Variants in MCC observed in about 807,000 individuals in gnomAD.
MCC encodes colorectal mutant cancer protein.
In MCC, 90 loss-of-function variants were observed where a neutral mutation model predicts 116.2. That is an observed-to-expected ratio of 0.77 (90% confidence interval 0.65 to 0.92). MCC has a LOEUF of 0.92. Ranked by LOEUF, MCC falls within the 40% of genes least tolerant of loss-of-function variation. The pLI is 0.00. For missense variants in MCC, 1,516 were observed against 1,312.2 expected, an observed-to-expected ratio of 1.16 and a Z score of -2.40; for synonymous variants, 578 against 510.5, an observed-to-expected ratio of 1.13 and a Z score of -1.78.
intron 3 of MCC, among the ~76,000 whole-genome samples, chr5:113,290,039 G>T (rs1766422269): frequency 6.6e-6 from 1 of 152,184 alleles, no homozygotes; most frequent in African/African-American, 2.4e-5. Flanking sequence ...TTAATTTGAT[G>T]ATGAACAGCA....
rs376882636 is a variant in MCC at position 113,415,699 on chromosome 5, G to T, written c.171-30487C>A. ...TTTTTTCAAGGCTTTTAGCTTCCTT[G>T]TGATGGGTTCGAACATCCTCCTTTA... On this transcript the variant is annotated intron_variant, in intron 1 of 18. Coordinates refer to ENST00000408903, the MANE Select transcript of MCC (RefSeq NM_001085377.2). Among the ~76,000 whole-genome samples the T allele has an allele frequency of 3.3e-5, 5 of 152,198 alleles. No homozygotes were observed. In the East Asian group the frequency reaches 9.7e-4, roughly 29 times the overall value.
At chr5:113,449,059 T>G (rs1771306051) in intron 1 of MCC, among the ~76,000 whole-genome samples, 1 of 152,356 alleles carries the variant, frequency 6.6e-6, no homozygotes, top group Admixed American at 6.5e-5. Flanking sequence ...CAGTCTCTAC[T>G]GGTCATCAGG....
At chr5:113,074,101 C>A (rs1272312996) in intron 11 of MCC, among the ~76,000 whole-genome samples, 3 of 152,220 alleles carry the variant, frequency 2.0e-5, no homozygotes, top group African/African-American at 7.2e-5. Flanking sequence ...TCCCTGACCC[C>A]TGAGTAGCCT....
chr5:113,103,842 C>A (rs934844423), intron 7 of MCC, among the ~76,000 whole-genome samples: 4 of 152,164 alleles, frequency 2.6e-5, no homozygotes, highest in African/African-American at 9.7e-5. Flanking sequence ...GGCCTTAGAG[C>A]TTTAACAAAA....
At chr5:113,476,077 A>G (rs1035357582) in intron 1 of MCC, among the ~76,000 whole-genome samples, 16 of 152,230 alleles carry the variant, frequency 1.1e-4, no homozygotes, top group African/African-American at 3.9e-4. Flanking sequence ...CAGAGGAAAA[A>G]TCAAAAGTAC....
chr5:113,407,834 TC>T (rs11311979), intron 1 of MCC, among the ~76,000 whole-genome samples: 20,942 of 152,048 alleles, frequency 0.14, 1,769 homozygotes, highest in Non-Finnish European at 0.2. Flanking sequence ...TGTGTGTTGT[TC>T]CCCTCTCTGT....
chr5:113,064,455 C>T (rs191142395), intron 13 of MCC, among the ~76,000 whole-genome samples: 6 of 152,316 alleles, frequency 3.9e-5, no homozygotes, highest in Non-Finnish European at 5.9e-5. Context: ...AGCTCTAACA[C>T]GCTCTGATTT....
intron 1 of MCC, among the ~76,000 whole-genome samples, chr5:113,485,694 C>T (rs1259440741): frequency 3.3e-5 from 5 of 152,162 alleles, no homozygotes; most frequent in African/African-American, 1.2e-4. Context: ...GGGACTGACA[C>T]CACCGCAGAG....
At chr5:113,117,313 G>A (rs4705542) in intron 6 of MCC, among the ~76,000 whole-genome samples, 73,249 of 151,910 alleles carry the variant, frequency 0.48, 19,481 homozygotes, top group East Asian at 0.72. Context: ...AGTCACAACC[G>A]CACCAAAAAA....
chr5:113,350,541 A>G (rs1203633023), intron 2 of MCC, among the ~76,000 whole-genome samples: 1 of 152,076 alleles, frequency 6.6e-6, no homozygotes, highest in African/African-American at 2.4e-5. Context: ...AAATCAAAAT[A>G]GATTAAAGAG....
At chr5:113,185,955 A>G (rs1761877151) in intron 3 of MCC, among the ~76,000 whole-genome samples, 1 of 152,176 alleles carries the variant, frequency 6.6e-6, no homozygotes, top group Non-Finnish European at 1.5e-5. Context: ...TTAAGTGTAT[A>G]TTCAGATGAG....
At chr5:113,440,012 C>T (rs1253998969) in intron 1 of MCC, among the ~76,000 whole-genome samples, 2 of 152,160 alleles carry the variant, frequency 1.3e-5, no homozygotes, top group Admixed American at 6.5e-5. Flanking sequence ...ATCCTCCCAC[C>T]TCAGCCTCCC....
intron 3 of MCC, among the ~76,000 whole-genome samples, chr5:113,193,966 C>T (rs916778001): frequency 6.6e-6 from 1 of 152,078 alleles, no homozygotes; most frequent in Non-Finnish European, 1.5e-5. Flanking sequence ...TTGTCCAGTA[C>T]CACACCTGGG....
chr5:113,185,811 T>C (rs1240912345), intron 3 of MCC, among the ~76,000 whole-genome samples: 1 of 152,130 alleles, frequency 6.6e-6, no homozygotes, highest in Admixed American at 6.5e-5. Flanking sequence ...TCATTGAGAA[T>C]GAAGCGTGCT....
chr5:113,261,454 A>C (rs1765215798), intron 3 of MCC, among the ~76,000 whole-genome samples: 1 of 152,170 alleles, frequency 6.6e-6, no homozygotes, highest in African/African-American at 2.4e-5. Context: ...GTGCTTCAAG[A>C]AGTTTGCCCA....
chr5:113,408,407 A>T (rs931408448), intron 1 of MCC, among the ~76,000 whole-genome samples: 2 of 152,130 alleles, frequency 1.3e-5, no homozygotes, highest in African/African-American at 4.8e-5. Flanking sequence ...TTTCTTGGAG[A>T]TACAACATGT....
chr5:113,359,830 C>A (rs972067836), intron 2 of MCC, among the ~76,000 whole-genome samples: 2 of 152,056 alleles, frequency 1.3e-5, no homozygotes, highest in African/African-American at 4.8e-5. Context: ...TCCTTTAGCC[C>A]CTGAAGCGGG....
chr5:113,149,405 A>G (rs1759716091), intron 4 of MCC, among the ~76,000 whole-genome samples: 1 of 152,074 alleles, frequency 6.6e-6, no homozygotes, highest in Non-Finnish European at 1.5e-5. Flanking sequence ...AAAAACTGAA[A>G]ATTTTTTTAT....
chr5:113,423,809 A>G (rs1329636785), intron 1 of MCC, among the ~76,000 whole-genome samples: 1 of 152,152 alleles, frequency 6.6e-6, no homozygotes, highest in Admixed American at 6.5e-5. Context: ...TTTATTTTCT[A>G]TAGTGGCTGA....
Sources: allele counts gnomAD v4.1 joint callset (sites outside exome capture counted in the v4.1 genomes callset), GRCh38; gene constraint gnomAD v4.1.1; transcripts MANE v1.5; gene names NCBI Gene and HGNC (gene_info 2026-07-23, HGNC 2026-07-21).